The following SEMA6D variants were observed in gnomAD, a reference collection of about 807,000 sequenced individuals.
The protein encoded by SEMA6D is semaphorin 6D.
In SEMA6D, 35 loss-of-function variants were observed where a neutral mutation model predicts 106.6. The ratio of observed to expected loss-of-function variants is 0.33; its 90% CI spans 0.25 to 0.44. The LOEUF (loss-of-function observed/expected upper bound fraction) is 0.44, where lower values mean the gene tolerates loss of function less well. Among genes scored for constraint, SEMA6D ranks in the 20% least tolerant of loss-of-function variants. The probability of loss-of-function intolerance (pLI) is 1.00; values close to 1 mark genes in which losing one functional copy is unlikely to be tolerated. For synonymous variants in SEMA6D, 499 were observed against 487.7 expected (o/e 1.02, Z -0.31); for missense variants, 1,185 against 1,345.9 (o/e 0.88, Z 1.87).
chr15:47,584,693 A>G (rs2076307937), intron 3 of SEMA6D, among the ~76,000 whole-genome samples: 1 of 152,184 alleles, frequency 6.6e-6, no homozygotes, highest in South Asian at 2.1e-4. Flanking sequence ...TAATAAATGA[A>G]TGATTGGATG....
At chr15:47,508,091 C>G (rs190563792) in intron 3 of SEMA6D, among the ~76,000 whole-genome samples, 9 of 152,084 alleles carry the variant, frequency 5.9e-5, no homozygotes, top group Non-Finnish European at 4.4e-5. Context: ...CTTAAAAGCC[C>G]GTGAACTTCA....
intron 3 of SEMA6D, among the ~76,000 whole-genome samples, chr15:47,493,414 T>C (rs2043533751): frequency 6.6e-6 from 1 of 152,152 alleles, no homozygotes; most frequent in South Asian, 2.1e-4. Context: ...CTCTTTAGAA[T>C]TGAAAACTTG....
intron 3 of SEMA6D, among the ~76,000 whole-genome samples, chr15:47,513,291 T>C (rs2044288700): frequency 6.6e-6 from 1 of 152,168 alleles, no homozygotes; most frequent in Non-Finnish European, 1.5e-5. Context: ...ATATTAATAT[T>C]TATGCTACTA....
chr15:47,329,778 CTG>C (rs773881033), intron 1 of SEMA6D, among the ~76,000 whole-genome samples: 1 of 152,260 alleles, frequency 6.6e-6, no homozygotes, highest in East Asian at 1.9e-4. Context: ...TTGGAACTAT[CTG>C]TGTTTTTTAA....
intron 1 of SEMA6D, among the ~76,000 whole-genome samples, chr15:47,319,334 GT>G (rs955036499): frequency 2.6e-5 from 4 of 152,142 alleles, no homozygotes; most frequent in Non-Finnish European, 5.9e-5. Flanking sequence ...TTCATGTTGT[GT>G]TTTTTGCCAT....
At chr15:47,714,013 A>G (rs928993203), upstream of SEMA6D, among the ~76,000 whole-genome samples, 3 of 152,214 alleles carry the variant, frequency 2.0e-5, no homozygotes, top group Non-Finnish European at 2.9e-5. Context: ...AACACTTTAC[A>G]TGCATTACCA....
At chr15:47,676,663 C>G (rs1366481395) in intron 4 of SEMA6D, among the ~76,000 whole-genome samples, 3 of 152,214 alleles carry the variant, frequency 2.0e-5, no homozygotes, top group African/African-American at 7.2e-5. Flanking sequence ...GTTTACTCAG[C>G]AAGAAATAGT....
At position 47,384,814 on chromosome 15, in the gene SEMA6D, GTTTTTTTTTTTTTT is replaced by G. The variant is rs1168068495; in HGVS notation, c.-238-27561_-238-27548del. Among the ~76,000 whole-genome samples, 76 of 65,696 alleles carry G rather than the reference GTTTTTTTTTTTTTT, an allele frequency of 1.2e-3. 1 individual carries two copies. The highest frequency in any genetic ancestry group is 2.3e-3 in the African/African-American group (44 of 18,968). The allele number at this position is 65,696 out of a possible 152,430, so 43.1% of individuals were successfully genotyped here. On this transcript the variant is annotated intron_variant, in intron 1 of 19. Transcript: ENST00000558014. ...TCAGAATTAACATTTGATTACTAAA[GTTTTTTTTTTTTTT>G]TTTTTTTTTTTTTTTTTGTAAGAAA...
chr15:47,422,319 T>C (rs2041197607), intron 2 of SEMA6D, among the ~76,000 whole-genome samples: 1 of 151,870 alleles, frequency 6.6e-6, no homozygotes, highest in South Asian at 2.1e-4. Context: ...CATCTTTAAG[T>C]GATGAAGTAT....
At chr15:47,469,733 G>A (rs34059417) in intron 2 of SEMA6D, among the ~76,000 whole-genome samples, 38,986 of 151,976 alleles carry the variant, frequency 0.26, 5,426 homozygotes, top group Middle Eastern at 0.45. Context: ...TCCCAGGTAT[G>A]CTTACCTCCC....
At chr15:47,360,954 C>T (rs995872135) in intron 1 of SEMA6D, among the ~76,000 whole-genome samples, 6 of 152,236 alleles carry the variant, frequency 3.9e-5, no homozygotes, top group African/African-American at 1.4e-4. Context: ...TCCATCTTTG[C>T]CTCTTGGCTA....
intron 1 of SEMA6D, among the ~76,000 whole-genome samples, chr15:47,268,533 T>C (rs2034423540): frequency 6.6e-6 from 1 of 152,116 alleles, no homozygotes; most frequent in Admixed American, 6.6e-5. Flanking sequence ...TTCAGATCTT[T>C]CTTTTGAGAT....
At chr15:47,299,146 G>T (rs981382722) in intron 1 of SEMA6D, among the ~76,000 whole-genome samples, 1 of 152,056 alleles carries the variant, frequency 6.6e-6, no homozygotes, top group Admixed American at 6.6e-5. Flanking sequence ...TGAACATATG[G>T]GTTAGTCTAG....
chr15:47,208,851 G>A (rs1895287061), intron 1 of SEMA6D, among the ~76,000 whole-genome samples: 1 of 152,140 alleles, frequency 6.6e-6, no homozygotes, highest in Admixed American at 6.5e-5. Context: ...TGATAAATAA[G>A]ATTGGGTTGA....
intron 2 of SEMA6D, among the ~76,000 whole-genome samples, chr15:47,433,730 G>A (rs1342615488): frequency 6.6e-6 from 1 of 152,076 alleles, no homozygotes. Context: ...CTGATTTATA[G>A]ATATAGAAAA....
intron 1 of SEMA6D, among the ~76,000 whole-genome samples, chr15:47,723,373 C>T (rs2079536775): frequency 1.3e-5 from 2 of 152,134 alleles, no homozygotes; most frequent in Non-Finnish European, 2.9e-5. Flanking sequence ...TGGCAATATT[C>T]ATCACTCTCC....
At chr15:47,287,929 TATC>T (rs1194132337) in intron 1 of SEMA6D, among the ~76,000 whole-genome samples, 5 of 152,136 alleles carry the variant, frequency 3.3e-5, no homozygotes, top group Admixed American at 2.0e-4. Flanking sequence ...TCAGGAAGCT[TATC>T]ATAATGGTGG....
At chr15:47,394,195 T>C (rs1400203500) in intron 1 of SEMA6D, among the ~76,000 whole-genome samples, 1 of 152,140 alleles carries the variant, frequency 6.6e-6, no homozygotes, top group Admixed American at 6.5e-5. Context: ...ACATAGCCAG[T>C]TTCATTAGCT....
intron 4 of SEMA6D, among the ~76,000 whole-genome samples, chr15:47,687,066 CAAAA>C (rs369941348): frequency 5.8e-5 from 7 of 120,986 alleles, no homozygotes; most frequent in Admixed American, 8.5e-5. Flanking sequence ...ACCCTGTATC[CAAAA>C]AAAAAAAAAA....
Sources: allele counts gnomAD v4.1 joint callset (sites outside exome capture counted in the v4.1 genomes callset), GRCh38; gene constraint gnomAD v4.1.1; transcripts MANE v1.5; gene names NCBI Gene and HGNC (gene_info 2026-07-23, HGNC 2026-07-21).